Variants in PFKP observed in about 807,000 individuals in gnomAD.
PFKP encodes the protein ATP-dependent 6-phosphofructokinase, platelet type.
A neutral mutation model predicts 94.3 loss-of-function variants in PFKP; 101 were observed. That is an observed-to-expected ratio of 1.07 (90% confidence interval 0.91 to 1.26). PFKP has a LOEUF of 1.26. Ranked by LOEUF, PFKP falls within the 50% of genes most tolerant of loss-of-function variation. The pLI is 0.00. For missense variants in PFKP, 1,145 were observed against 1,103.3 expected (o/e 1.04, Z -0.53); for synonymous variants, 573 against 432.6 (o/e 1.32, Z -4.03).
Position 3,112,280 on chromosome 10 carries a change from G to A in PFKP, c.1148G>A (p.Arg383Gln), listed in dbSNP as rs763822412. Reference protein sequence around the residue: ...ERRFQDAVRLRGRSFAGNLNT... With the variant: ...ERRFQDAVRLQGRSFAGNLNT... ...AGATTTCAAGATGCGGTTCGACTCC[G>A]AGGGAGGTGAGGTGCTTTGGAGAAA... Residue 383 changes from arginine to glutamine, a missense_variant, in exon 11 of 22, where the codon CGA (arginine) becomes CAA (glutamine). This residue lies in a region of PFKP where 1,119 missense variants were observed against 1,062.8 expected (regional missense o/e 1.05). Coordinates refer to ENST00000381125, the MANE Select transcript of PFKP (RefSeq NM_002627.5). The A allele has an allele frequency of 4.3e-6, 7 of 1,612,540 alleles. No homozygotes were observed. Among genetic ancestry groups the A allele is most frequent in the East Asian group, 2.2e-5 (1 of 44,878 alleles).
chr10:3,069,376 C>T, intron 1 of PFKP: 1 of 1,589,426 alleles, frequency 6.3e-7, no homozygotes. Flanking sequence ...TTAAACCGGC[C>T]CGGAGATGTG....
At chr10:3,129,634 C>G in intron 16 of PFKP, 185 bp from the exon 17 acceptor site, 1 of 641,108 alleles carries the variant, frequency 1.6e-6, no homozygotes, top group Non-Finnish European at 2.7e-6. Context: ...TTGCGGGGGA[C>G]CACGTTCACA....
intron 1 of PFKP, among the ~76,000 whole-genome samples, chr10:3,081,142 A>G (rs867274): frequency 0.21 from 32,479 of 152,214 alleles, 4,118 homozygotes; most frequent in East Asian, 0.35. Context: ...GTAAACATGC[A>G]TTTACCTCTA....
At chr10:3,078,839 C>A (rs1306236505) in intron 1 of PFKP, among the ~76,000 whole-genome samples, 6 of 152,208 alleles carry the variant, frequency 3.9e-5, no homozygotes, top group Non-Finnish European at 8.8e-5. Flanking sequence ...CGAGTGCTGC[C>A]AGTCCCTGAG....
intron 8 of PFKP, 68 bp downstream of exon 8, chr10:3,107,377 G>C (rs764488534): frequency 4.7e-5 from 44 of 929,370 alleles, no homozygotes; most frequent in Admixed American, 9.6e-5. Context: ...AGCGTCATGG[G>C]CAGGCTTGGT....
intron 1 of PFKP, among the ~76,000 whole-genome samples, chr10:3,077,417 A>G (rs1009588523): frequency 2.0e-5 from 3 of 150,848 alleles, no homozygotes; most frequent in African/African-American, 4.9e-5. Context: ...GCTCACCACC[A>G]TGCCCGGCTA....
At chr10:3,134,675 G>A in intron 20 of PFKP, 93 bp downstream of exon 20, 2 of 802,858 alleles carry the variant, frequency 2.5e-6, no homozygotes, top group Non-Finnish European at 4.3e-6. Context: ...GTAGGGTGCT[G>A]GTTCCTTCTT....
rs573406548 is a variant in PFKP, at chr10:3,133,322, C to G, written c.2022+8C>G. ...CTGGGTCACATGCAGCAGGTAGGCC[C>G]GAGACTGCATGAGGGGCCACAAAGC... On this transcript the variant is annotated splice_region_variant and intron_variant, in intron 19 of 21. Coordinates refer to ENST00000381125, the MANE Select transcript of PFKP (RefSeq NM_002627.5). The G allele has an allele frequency of 2.6e-6, 4 of 1,567,174 alleles. No individual in the cohort carries two copies. In the East Asian group the frequency reaches 6.7e-5, roughly 26 times the overall value.
intron 2 of PFKP, among the ~76,000 whole-genome samples, chr10:3,086,000 G>A (rs892076207): frequency 3.3e-5 from 5 of 152,002 alleles, no homozygotes; most frequent in African/African-American, 1.2e-4. Flanking sequence ...CGGGGGAGAG[G>A]GTGGGTGTGA....
At chr10:3,069,253 G>C (rs1831998212) in intron 1 of PFKP, 2 of 1,458,660 alleles carry the variant, frequency 1.4e-6, no homozygotes, top group Non-Finnish European at 1.8e-6. Flanking sequence ...AAGGACCCCA[G>C]CATCAACGTT....
Position 3,115,373 on chromosome 10 carries a change from CGCAGCTGAGAACAGGACTGGGGAT to C in PFKP, c.1372-1400_1372-1377del, listed in dbSNP as rs1564327229. Among the ~76,000 whole-genome samples the C allele has an allele frequency of 1.7e-3, 66 of 39,814 alleles. 1 individual carries two copies. The highest frequency in any genetic ancestry group is 3.4e-3 in the Non-Finnish European group (41 of 12,076). The allele number at this position is 39,814 out of a possible 152,430, so 26.1% of individuals were successfully genotyped here. Reference sequence around the variant, plus strand: ...GATGCTGGAGTGAAGGTGTGTGTCCCGCAGCTGAGAACAGGACTGGGGATGCCGGGGTGAAGGTGTGTGTCCCGC... The same window carrying C: ...GATGCTGGAGTGAAGGTGTGTGTCCCGCCGGGGTGAAGGTGTGTGTCCCGC... On this transcript the variant is annotated intron_variant, in intron 13 of 21. Transcript: ENST00000381125.
chr10:3,131,329 T>C (rs185726505), intron 17 of PFKP, among the ~76,000 whole-genome samples: 5 of 152,056 alleles, frequency 3.3e-5, no homozygotes, highest in African/African-American at 1.2e-4. Flanking sequence ...CACCTAGCAA[T>C]GCATTTCTCA....
intron 1 of PFKP, among the ~76,000 whole-genome samples, chr10:3,076,424 T>C (rs1832599150): frequency 6.6e-6 from 1 of 152,110 alleles, no homozygotes; most frequent in African/African-American, 2.4e-5. Context: ...CTTTCCCAGA[T>C]GTCCATTTGG....
Position 3,109,594 on chromosome 10 carries a change from C to T in PFKP, c.1089+114C>T, listed in dbSNP as rs75187954. 3,669 of 1,312,070 alleles carry T rather than the reference C, an allele frequency of 2.8e-3. 70 individuals carry two copies. In the East Asian group the frequency reaches 0.032, roughly 12 times the overall value. 81.3% of individuals were successfully genotyped at this position (1,312,070 alleles called of 1,614,324 possible). On this transcript the variant is annotated intron_variant, in intron 10 of 21. Transcript: ENST00000381125. ...CGTCGGTGCACGATGCATTACACGG[C>T]CTTTCTGAGAAGGAGGTGAGCTGCC...
At chr10:3,084,446 GTCA>G (rs1390399006) in intron 2 of PFKP, among the ~76,000 whole-genome samples, 1 of 152,044 alleles carries the variant, frequency 6.6e-6, no homozygotes, top group Non-Finnish European at 1.5e-5. Context: ...TTTTGTTCGT[GTCA>G]TTGTTGTTTG....
At chr10:3,109,620 C>A in intron 10 of PFKP, 140 bp downstream of exon 10, 1 of 1,021,810 alleles carries the variant, frequency 9.8e-7, no homozygotes. Context: ...GTGAGCTGCC[C>A]GTGGGGAGGG....
intron 16 of PFKP, chr10:3,125,014 C>T (rs1837794970): frequency 8.4e-6 from 9 of 1,073,304 alleles, no homozygotes; most frequent in Non-Finnish European, 9.3e-6. Flanking sequence ...CCCTCCCGTC[C>T]CTTCCTGGAC....
At chr10:3,074,060 G>A (rs545891726) in intron 1 of PFKP, among the ~76,000 whole-genome samples, 3 of 152,302 alleles carry the variant, frequency 2.0e-5, no homozygotes, top group Admixed American at 6.5e-5. Flanking sequence ...GGCTGGTCTC[G>A]AACTCCTGAC....
chr10:3,096,073 C>T (rs7074733), intron 2 of PFKP, among the ~76,000 whole-genome samples: 105,877 of 152,166 alleles, frequency 0.7, 37,324 homozygotes, highest in Middle Eastern at 0.76. Flanking sequence ...CTTACTACTC[C>T]AGAAGCAAGA....
Sources: allele counts gnomAD v4.1 joint callset (sites outside exome capture counted in the v4.1 genomes callset), GRCh38; gene constraint gnomAD v4.1.1; regional missense constraint gnomAD v4.1.1; transcripts MANE v1.5; gene names NCBI Gene and HGNC (gene_info 2026-07-23, HGNC 2026-07-21).